The following AKAIN1 variants were observed in gnomAD, a reference collection of about 807,000 sequenced individuals.
AKAIN1 encodes A-kinase anchor inhibitor 1.
A neutral mutation model predicts 3.7 loss-of-function variants in AKAIN1; 3 were observed. That is an observed-to-expected ratio of 0.82 (90% CI 0.37 to 2.12). The LOEUF is 2.12. AKAIN1 is among the 30% of genes most tolerant of loss of function. The pLI is 0.06. For missense variants in AKAIN1, 82 were observed against 82.7 expected (o/e 0.99, Z 0.03); for synonymous variants, 31 against 30.8 (o/e 1.01, Z -0.02).
intron 1 of AKAIN1, among the ~76,000 whole-genome samples, chr18:5,157,234 C>T (rs1196338918): frequency 6.6e-6 from 1 of 152,174 alleles, no homozygotes; most frequent in Non-Finnish European, 1.5e-5. Flanking sequence ...TGACACCTTC[C>T]TGCTGCAGCT....
upstream of AKAIN1, chr18:5,197,509 A>AAAAAAAAAAAC (rs1483018797): frequency 4.1e-6 from 5 of 1,225,436 alleles, no homozygotes; most frequent in Non-Finnish European, 5.1e-6. The surrounding 1 kb of genome is among the most constrained non-coding windows in gnomAD (Gnocchi z 6.9). Context: ...TTTGTCAAAA[A>AAAAAAAAAAAC]AAAAAAACTC....
At chr18:5,154,778 G>A (rs538320047) in intron 1 of AKAIN1, among the ~76,000 whole-genome samples, 1 of 152,122 alleles carries the variant, frequency 6.6e-6, no homozygotes, top group East Asian at 2.0e-4. Flanking sequence ...AACTGATGCT[G>A]CCCCTCCCTT....
intron 1 of AKAIN1, among the ~76,000 whole-genome samples, chr18:5,188,640 G>T (rs1342631726): frequency 6.6e-6 from 1 of 151,968 alleles, no homozygotes; most frequent in Non-Finnish European, 1.5e-5. Flanking sequence ...CATCCAGACT[G>T]CACAGGGGGA....
At chr18:5,161,602 T>C (rs777966230) in intron 1 of AKAIN1, among the ~76,000 whole-genome samples, 6 of 152,160 alleles carry the variant, frequency 3.9e-5, no homozygotes, top group African/African-American at 1.4e-4. Context: ...TATCTTGTTC[T>C]TAATCTCAGA....
At chr18:5,170,608 T>C (rs989695208) in intron 1 of AKAIN1, 8 of 152,152 alleles carry the variant, frequency 5.3e-5, no homozygotes, top group African/African-American at 1.9e-4. Context: ...ATGAAAACCA[T>C]AGCATGCAGA....
At chr18:5,167,560 C>G (rs1306133225) in intron 1 of AKAIN1, among the ~76,000 whole-genome samples, 1 of 152,012 alleles carries the variant, frequency 6.6e-6, no homozygotes, top group Non-Finnish European at 1.5e-5. Context: ...ATATCGTCCC[C>G]TCAAGAGCTT....
intron 1 of AKAIN1, among the ~76,000 whole-genome samples, chr18:5,162,183 C>A (rs1031175490): frequency 1.3e-5 from 2 of 152,114 alleles, no homozygotes; most frequent in Non-Finnish European, 2.9e-5. Flanking sequence ...GGCCTATTTA[C>A]TAGACTCTTC....
At chr18:5,151,847 G>A (rs186083358) in intron 1 of AKAIN1, among the ~76,000 whole-genome samples, 1 of 152,144 alleles carries the variant, frequency 6.6e-6, no homozygotes, top group African/African-American at 2.4e-5. Context: ...TAAGCCACTA[G>A]GCCAAAATGT....
At chr18:5,162,637 T>C (rs992454810) in intron 1 of AKAIN1, among the ~76,000 whole-genome samples, 12 of 138,844 alleles carry the variant, frequency 8.6e-5, no homozygotes, top group African/African-American at 2.7e-4. Context: ...TGTGTGTGTG[T>C]GTGTGTGTGT....
At chr18:5,180,800 C>T (rs1012978725) in intron 1 of AKAIN1, among the ~76,000 whole-genome samples, 1 of 151,928 alleles carries the variant, frequency 6.6e-6, no homozygotes, top group Non-Finnish European at 1.5e-5. Flanking sequence ...AATAAGTGCA[C>T]AAGAATGTTA....
intron 1 of AKAIN1, among the ~76,000 whole-genome samples, chr18:5,193,053 T>A (rs764445814): frequency 7.2e-5 from 11 of 152,180 alleles, no homozygotes; most frequent in Non-Finnish European, 1.2e-4. Context: ...GATATATAAT[T>A]TGTTTATTTA....
At chr18:5,172,781 T>G (rs2071205154) in intron 1 of AKAIN1, among the ~76,000 whole-genome samples, 1 of 151,958 alleles carries the variant, frequency 6.6e-6, no homozygotes, top group Non-Finnish European at 1.5e-5. Context: ...CTCAATTAAT[T>G]TATACCATAT....
At chr18:5,160,770 A>G (rs1021697245) in intron 1 of AKAIN1, among the ~76,000 whole-genome samples, 8 of 152,154 alleles carry the variant, frequency 5.3e-5, no homozygotes, top group African/African-American at 1.9e-4. Context: ...GTATTTTCGT[A>G]TGAATAGTGA....
chr18:5,156,548 G>A (rs9961211), intron 1 of AKAIN1, among the ~76,000 whole-genome samples: 18,585 of 152,120 alleles, frequency 0.12, 1,780 homozygotes, highest in African/African-American at 0.25. Flanking sequence ...TTTTGAAGAC[G>A]ATTCCTTTGT....
upstream of AKAIN1, chr18:5,197,523 G>T (rs763798654): frequency 1.1e-5 from 5 of 455,408 alleles, no homozygotes; most frequent in East Asian, 1.1e-4. The surrounding 1 kb of genome is among the most constrained non-coding windows in gnomAD (Gnocchi z 6.9). Flanking sequence ...AAAACTCTAA[G>T]AGCTTTCTTT....
At chr18:5,168,928 G>C (rs2071182411) in intron 1 of AKAIN1, among the ~76,000 whole-genome samples, 1 of 151,554 alleles carries the variant, frequency 6.6e-6, no homozygotes, top group African/African-American at 2.4e-5. Flanking sequence ...GCTACATAAG[G>C]GAACTAAAGG....
In AKAIN1 at chr18:5,143,596, CT is replaced by C. The variant is rs2071032821; in HGVS notation, c.*1965del. On this transcript the variant is annotated 3_prime_UTR_variant, in exon 2 of 2. Coordinates refer to ENST00000434239, the MANE Select transcript of AKAIN1 (RefSeq NM_001145194.2). ...TGATATCTAGGGGTTTGAAAATAGC[CT>C]TGGAAGTCTCATGGTTCCAAATAAT... Among the ~76,000 whole-genome samples the C allele has an allele frequency of 6.6e-6, 1 of 152,188 alleles. No individual in the cohort carries two copies. The highest frequency in any genetic ancestry group is 2.4e-5 in the African/African-American group (1 of 41,450).
chr18:5,151,603 C>T (rs2071080487), intron 1 of AKAIN1, among the ~76,000 whole-genome samples: 1 of 152,150 alleles, frequency 6.6e-6, no homozygotes, highest in Non-Finnish European at 1.5e-5. Flanking sequence ...ATTTCTAAGT[C>T]ATATTTGAGT....
At chr18:5,195,148 G>A (rs987542028) in intron 1 of AKAIN1, among the ~76,000 whole-genome samples, 23 of 150,370 alleles carry the variant, frequency 1.5e-4, no homozygotes, top group African/African-American at 5.0e-4. Flanking sequence ...AAGAAGTGAT[G>A]AAAAAAAAAG....
Sources: gnomAD v4.1 joint callset for allele counts (sites outside exome capture counted in the v4.1 genomes callset) on GRCh38, gnomAD v4.1.1 for gene constraint, Gnocchi (gnomAD v3.1) non-coding constraint, MANE v1.5 for transcripts, NCBI Gene and HGNC (gene_info 2026-07-23, HGNC 2026-07-21) for gene names.